Variants in SETD7 observed in about 807,000 individuals in gnomAD.
SETD7 encodes the protein SET domain containing 7, histone lysine methyltransferase.
SETD7 carries 16 observed loss-of-function variants against 41.8 expected under a neutral mutation model. The observed-to-expected ratio is 0.38, with a 90% CI of 0.26 to 0.58. The LOEUF is 0.58. Among genes scored for constraint, SETD7 ranks in the 20% least tolerant of loss-of-function variants. The pLI is 0.64. For missense variants in SETD7, 346 were observed against 459.7 expected (o/e 0.75, Z 2.26); for synonymous variants, 163 against 169.7 (o/e 0.96, Z 0.31).
intron 3 of SETD7, 31 bp from the exon 4 acceptor site, chr4:139,529,251 T>C: frequency 1.9e-6 from 3 of 1,564,904 alleles, no homozygotes; most frequent in Non-Finnish European, 2.6e-6. Flanking sequence ...CCAGAAAATA[T>C]TATATATAGT....
At chr4:139,512,547 T>C (rs1030053977) in intron 7 of SETD7, among the ~76,000 whole-genome samples, 5 of 152,124 alleles carry the variant, frequency 3.3e-5, no homozygotes, top group African/African-American at 1.2e-4. Context: ...ACTATGGCTA[T>C]GTTCATTTGC....
intron 1 of SETD7, among the ~76,000 whole-genome samples, chr4:139,548,670 T>G (rs1451752605): frequency 6.6e-6 from 1 of 152,200 alleles, no homozygotes; most frequent in Non-Finnish European, 1.5e-5. Flanking sequence ...GCTCTTTATT[T>G]GTATCATTAA....
At chr4:139,531,175 G>A (rs1369307391) in intron 3 of SETD7, among the ~76,000 whole-genome samples, 1 of 152,294 alleles carries the variant, frequency 6.6e-6, no homozygotes, top group East Asian at 1.9e-4. Context: ...TCTTCTTTGA[G>A]ATTTAATATG....
intron 1 of SETD7, among the ~76,000 whole-genome samples, chr4:139,550,478 G>A (rs1024000098): frequency 5.9e-5 from 9 of 152,098 alleles, no homozygotes; most frequent in African/African-American, 1.2e-4. Context: ...GTGATCATTC[G>A]AGACTTCCAC....
chr4:139,525,102 C>G (rs1438837158), intron 4 of SETD7, among the ~76,000 whole-genome samples: 1 of 152,222 alleles, frequency 6.6e-6, no homozygotes, highest in Non-Finnish European at 1.5e-5. Flanking sequence ...CAGGCGTGAG[C>G]TGCTGTGCCC....
At chr4:139,548,987 T>C (rs1728038428) in intron 1 of SETD7, among the ~76,000 whole-genome samples, 1 of 152,218 alleles carries the variant, frequency 6.6e-6, no homozygotes, top group Non-Finnish European at 1.5e-5. Flanking sequence ...ATGCCATTTC[T>C]CTCATTGAAA....
At position 139,520,396 on chromosome 4, in the gene SETD7, TA is replaced by T; in HGVS notation, c.645-3del. On this transcript the variant is annotated splice_polypyrimidine_tract_variant and splice_region_variant and intron_variant, in intron 5 of 7. Transcript: ENST00000274031. The stretch of plus-strand genomic sequence containing the variant: ...ATAAGAGATTCAGCAACATAAACCC[TA>T]AATTGAAAAAAGAGTTGAATAGTGA... 6.4e-7 allele frequency: 1 copy of T among 1,570,684 alleles called. No homozygotes were observed. The highest frequency in any genetic ancestry group is 8.7e-7 in the Non-Finnish European group (1 of 1,152,868).
intron 2 of SETD7, among the ~76,000 whole-genome samples, chr4:139,535,802 A>G (rs1279147519): frequency 6.6e-6 from 1 of 152,144 alleles, no homozygotes; most frequent in Non-Finnish European, 1.5e-5. Context: ...GCAACTTTTA[A>G]TAGTAAGTTA....
rs971774100 is a variant in SETD7 at position 139,529,284 on chromosome 4, G to C, written c.373-64C>G. The C allele has an allele frequency of 5.8e-6, 8 of 1,374,022 alleles. No homozygotes were observed. The Admixed American group carries it at 6.9e-5, about 12-fold the overall frequency. The allele number at this position is 1,374,022 out of a possible 1,614,324, so 85.1% of individuals were successfully genotyped here. A position where few individuals can be genotyped will look rare whatever the true frequency, so the allele number is the denominator to read the frequency against. ...AGTATGTCTAGGACATGAGTCCCAA[G>C]AAATTTCTCTTCTGCAGTCCCATTA... On this transcript the variant is annotated intron_variant, in intron 3 of 7. Transcript: ENST00000274031.
At position 139,509,585 on chromosome 4, in the gene SETD7, C is replaced by T; in HGVS notation, c.*2078G>A. On this transcript the variant is annotated 3_prime_UTR_variant, in exon 8 of 8. Transcript: ENST00000274031. ...GGGCATGACCAGCACTATCCTCTCC[C>T]TGACCGTATTCCCTGACCTGGCTGC... is the stretch of plus-strand genomic sequence containing the variant. 1.4e-5 allele frequency: 6 copies of T among 415,852 alleles called. No homozygotes were observed. The highest frequency in any genetic ancestry group is 1.9e-5 in the Non-Finnish European group (6 of 309,470). The allele number at this position is 415,852 out of a possible 1,614,324, so 25.8% of individuals were successfully genotyped here. A position where few individuals can be genotyped will look rare whatever the true frequency, so the allele number is the denominator to read the frequency against.
chr4:139,529,155 A>G lies in SETD7; in HGVS notation c.438T>C (p.Tyr146=), dbSNP rs34007623. ...GTGCGGTCCTCTCATCAGGGTACAC[A>G]TAGGCTATCTTCTCTCCAGTCATCT... ...DGEMTGEKIA[Y]VYPDERTALY... The change falls in exon 4 of 8, where the codon TAT becomes TAC. Residue 146 remains tyrosine (Y), a synonymous_variant. Coordinates refer to ENST00000274031, the MANE Select transcript of SETD7 (RefSeq NM_030648.4). 0.017 allele frequency: 27,336 copies of G among 1,614,102 alleles called. 308 individuals carry two copies. Among genetic ancestry groups the G allele is most frequent in the Middle Eastern group, 0.032 (193 of 6,062 alleles).
At chr4:139,527,312 G>C (rs1008572860) in intron 4 of SETD7, among the ~76,000 whole-genome samples, 1 of 152,236 alleles carries the variant, frequency 6.6e-6, no homozygotes, top group South Asian at 2.1e-4. Context: ...CCAGCACTAT[G>C]AGAGTCCGAG....
intron 2 of SETD7, among the ~76,000 whole-genome samples, chr4:139,537,337 G>T (rs1429058256): frequency 1.3e-5 from 2 of 152,132 alleles, no homozygotes; most frequent in African/African-American, 2.4e-5. Context: ...TGTTAATATC[G>T]GGTCATATTT....
chr4:139,550,642 G>A (rs557543175), intron 1 of SETD7, among the ~76,000 whole-genome samples: 3 of 152,182 alleles, frequency 2.0e-5, no homozygotes, highest in Non-Finnish European at 4.4e-5. Context: ...ATTAGTGCTA[G>A]AACAGAATCT....
intron 1 of SETD7, among the ~76,000 whole-genome samples, chr4:139,554,846 C>T (rs114431316): frequency 3.4e-3 from 521 of 152,310 alleles, no homozygotes; most frequent in Non-Finnish European, 5.5e-3. Context: ...AACATTAAAA[C>T]TGATTTTTCC....
chr4:139,549,311 A>G (rs1038346754), intron 1 of SETD7, among the ~76,000 whole-genome samples: 1 of 152,236 alleles, frequency 6.6e-6, no homozygotes, highest in African/African-American at 2.4e-5. Flanking sequence ...TAAGAAAAAA[A>G]TGTCCAATAT....
At chr4:139,552,997 AC>A (rs1012052951) in intron 1 of SETD7, among the ~76,000 whole-genome samples, 4 of 152,188 alleles carry the variant, frequency 2.6e-5, no homozygotes, top group African/African-American at 9.7e-5. Flanking sequence ...TCTTCACTGA[AC>A]CAGTGTGTCT....
intron 3 of SETD7, among the ~76,000 whole-genome samples, chr4:139,530,319 T>G (rs2111148353): frequency 6.7e-6 from 1 of 149,698 alleles, no homozygotes; most frequent in South Asian, 2.1e-4. Flanking sequence ...TCAAAGCCAA[T>G]GATGTAGGAT....
rs1726734445 is a variant in SETD7 at position 139,507,383 on chromosome 4, T to A, written c.*4280A>T. 2 of 152,542 alleles carry A rather than the reference T, an allele frequency of 1.3e-5. No homozygotes were observed. The highest frequency in any genetic ancestry group is 6.5e-5 in the Admixed American group (1 of 15,286). 9.4% of individuals were successfully genotyped at this position (152,542 alleles called of 1,614,324 possible). A position where few individuals can be genotyped will look rare whatever the true frequency, so the allele number is the denominator to read the frequency against. On this transcript the variant is annotated 3_prime_UTR_variant, in exon 8 of 8. Coordinates refer to ENST00000274031, the MANE Select transcript of SETD7 (RefSeq NM_030648.4). Reference sequence around the variant, plus strand: ...GCCTACGAGCTCTCTCCACGTCAGGTGCAACAACGCCGAGGAAGTTGCTGA... The same window carrying A: ...GCCTACGAGCTCTCTCCACGTCAGGAGCAACAACGCCGAGGAAGTTGCTGA...
Sources: allele counts gnomAD v4.1 joint callset (sites outside exome capture counted in the v4.1 genomes callset), GRCh38; gene constraint gnomAD v4.1.1; transcripts MANE v1.5; gene names NCBI Gene and HGNC (gene_info 2026-07-23, HGNC 2026-07-21).